The following CPVL variants were observed in gnomAD, a reference collection of about 807,000 sequenced individuals.
CPVL encodes the protein carboxypeptidase vitellogenic like.
A neutral mutation model predicts 63.7 loss-of-function variants in CPVL; 51 were observed. The ratio of observed to expected loss-of-function variants is 0.80; its 90% CI spans 0.64 to 1.01. The LOEUF (loss-of-function observed/expected upper bound fraction) is 1.01, where lower values mean the gene tolerates loss of function less well. Among genes scored for constraint, CPVL ranks in the 50% least tolerant of loss-of-function variants. CPVL has a pLI of 0.00. For synonymous variants in CPVL, 195 were observed against 206.0 expected, an observed-to-expected ratio of 0.95 and a Z score of 0.46; for missense variants, 530 against 573.1, an observed-to-expected ratio of 0.92 and a Z score of 0.77.
At chr7:29,077,971 T>A (rs1486022688) in intron 7 of CPVL, among the ~76,000 whole-genome samples, 1 of 152,204 alleles carries the variant, frequency 6.6e-6, no homozygotes, top group Admixed American at 6.5e-5. Context: ...AAGAGAGAAG[T>A]GTGGCCTTAA....
At chr7:29,064,709 A>G (rs565926583) in intron 10 of CPVL, among the ~76,000 whole-genome samples, 4 of 152,240 alleles carry the variant, frequency 2.6e-5, no homozygotes, top group African/African-American at 9.6e-5. Context: ...AACCACACAC[A>G]TGTATACATG....
At chr7:29,052,721 C>T (rs1790313424) in intron 11 of CPVL, among the ~76,000 whole-genome samples, 2 of 151,984 alleles carry the variant, frequency 1.3e-5, no homozygotes, top group Admixed American at 1.3e-4. Context: ...CATCCTGGCT[C>T]ACACGGTGAA....
chr7:29,147,875 T>G (rs888444907), upstream of CPVL, among the ~76,000 whole-genome samples: 1 of 152,174 alleles, frequency 6.6e-6, no homozygotes, highest in African/African-American at 2.4e-5. Flanking sequence ...CAAATATACC[T>G]TGGGAATTGA....
At chr7:29,169,628 T>G (rs1356543150) in intron 5 of CPVL, among the ~76,000 whole-genome samples, 8 of 152,138 alleles carry the variant, frequency 5.3e-5, no homozygotes, top group Non-Finnish European at 1.2e-4. Flanking sequence ...CTATTCTTCT[T>G]TGGCTTCTGC....
At chr7:29,022,217 G>A (rs1335035307) in intron 12 of CPVL, among the ~76,000 whole-genome samples, 2 of 152,036 alleles carry the variant, frequency 1.3e-5, no homozygotes, top group Non-Finnish European at 2.9e-5. Flanking sequence ...CTTGGCCCAA[G>A]GACACCATCC....
chr7:29,037,573 GA>G (rs1788672786), intron 11 of CPVL, among the ~76,000 whole-genome samples: 1 of 120,146 alleles, frequency 8.3e-6, no homozygotes, highest in African/African-American at 3.4e-5. Flanking sequence ...AAAAAAAAAA[GA>G]AAAGAAAAGA....
intron 1 of CPVL, among the ~76,000 whole-genome samples, chr7:29,126,038 G>A (rs1343822480): frequency 2.6e-5 from 4 of 152,248 alleles, no homozygotes; most frequent in South Asian, 2.1e-4. Context: ...CAGAGCCACC[G>A]TTAACAATTA....
At chr7:29,132,199 G>A (rs1407316707) in intron 1 of CPVL, among the ~76,000 whole-genome samples, 1 of 152,126 alleles carries the variant, frequency 6.6e-6, no homozygotes, top group Non-Finnish European at 1.5e-5. Flanking sequence ...TTCCTGGCAG[G>A]AGAACAGTGA....
chr7:29,103,180 TGGGGGGGG>T (rs10568146), intron 3 of CPVL, among the ~76,000 whole-genome samples: 1 of 56,152 alleles, frequency 1.8e-5, no homozygotes. Context: ...GTTAATATAC[TGGGGGGGG>T]GGGGGGGGTG....
At chr7:29,041,823 T>G (rs554477354) in intron 11 of CPVL, among the ~76,000 whole-genome samples, 1 of 152,272 alleles carries the variant, frequency 6.6e-6, no homozygotes, top group East Asian at 1.9e-4. Context: ...AAGAAAAGAA[T>G]GTAAAATATT....
chr7:29,115,093 T>C (rs1452090990), intron 2 of CPVL, among the ~76,000 whole-genome samples: 1 of 152,224 alleles, frequency 6.6e-6, no homozygotes, highest in Non-Finnish European at 1.5e-5. Context: ...TCTGAGCCTC[T>C]TTCCTTTTAT....
At chr7:29,060,803 A>G (rs953112104) in intron 11 of CPVL, among the ~76,000 whole-genome samples, 1 of 152,230 alleles carries the variant, frequency 6.6e-6, no homozygotes, top group African/African-American at 2.4e-5. Flanking sequence ...GTTCCTATGA[A>G]TAGAAACAGG....
chr7:29,010,796 TAGAG>T (rs1447185472), intron 12 of CPVL: 2 of 152,128 alleles, frequency 1.3e-5, no homozygotes, highest in Admixed American at 6.5e-5. Context: ...AGGTGCCAGG[TAGAG>T]AGAGGGTCAA....
chr7:29,188,665 C>G (rs953136633), intron 1 of CPVL, among the ~76,000 whole-genome samples: 1 of 151,990 alleles, frequency 6.6e-6, no homozygotes. Flanking sequence ...AGGATCTGCT[C>G]GGTTCCCTGG....
At chr7:29,103,247 TG>T (rs1248679381) in intron 3 of CPVL, among the ~76,000 whole-genome samples, 18 of 61,158 alleles carry the variant, frequency 2.9e-4, no homozygotes, top group East Asian at 2.3e-3. Context: ...ATTGTTGTTT[TG>T]TTTTTTTTTT....
intron 3 of CPVL, among the ~76,000 whole-genome samples, chr7:29,107,954 C>G (rs549450360): frequency 6.6e-6 from 1 of 152,280 alleles, no homozygotes; most frequent in South Asian, 2.1e-4. Context: ...CCAGAGAGAA[C>G]GCCTTTTGTT....
chr7:29,049,536 G>C (rs1789943926), intron 11 of CPVL, among the ~76,000 whole-genome samples: 1 of 151,680 alleles, frequency 6.6e-6, no homozygotes, highest in East Asian at 1.9e-4. Context: ...AATTACCAAC[G>C]AAAAAAAAGT....
intron 6 of CPVL, among the ~76,000 whole-genome samples, chr7:29,089,058 G>C (rs980235124): frequency 2.0e-5 from 3 of 152,192 alleles, no homozygotes; most frequent in African/African-American, 7.2e-5. Context: ...CATGGCACAA[G>C]AAGCATGCTT....
intron 12 of CPVL, among the ~76,000 whole-genome samples, chr7:29,029,166 G>A (rs1480017358): frequency 6.6e-6 from 1 of 152,068 alleles, no homozygotes; most frequent in Non-Finnish European, 1.5e-5. Flanking sequence ...AGATGCTGAT[G>A]AGGATGCAGA....
Sources: allele counts gnomAD v4.1 joint callset (sites outside exome capture counted in the v4.1 genomes callset), GRCh38; gene constraint gnomAD v4.1.1; transcripts MANE v1.5; gene names NCBI Gene and HGNC (gene_info 2026-07-23, HGNC 2026-07-21).